SGIP1: variants seen among roughly 807,000 people sequenced by gnomAD.
SGIP1 encodes the protein SH3-containing GRB2-like protein 3-interacting protein 1.
In SGIP1, 38 loss-of-function variants were observed where a neutral mutation model predicts 107.5. That is an observed-to-expected ratio of 0.35 (90% CI 0.27 to 0.46). The LOEUF (loss-of-function observed/expected upper bound fraction) is 0.46, where lower values mean the gene tolerates loss of function less well. Among genes scored for constraint, SGIP1 ranks in the 20% least tolerant of loss-of-function variants. SGIP1 has a pLI of 1.00. For missense variants in SGIP1, 929 were observed against 1,019.5 expected (o/e 0.91, Z 1.21); for synonymous variants, 365 against 366.1 (o/e 1.00, Z 0.03).
intron 18 of SGIP1, among the ~76,000 whole-genome samples, chr1:66,703,386 C>T (rs571067648): frequency 1.3e-5 from 2 of 152,032 alleles, no homozygotes; most frequent in Admixed American, 1.3e-4. Flanking sequence ...TAACATGTTG[C>T]TATGTTAGAG....
chr1:66,661,942 C>A (rs890483140), intron 8 of SGIP1, among the ~76,000 whole-genome samples: 6 of 152,028 alleles, frequency 3.9e-5, no homozygotes, highest in African/African-American at 1.4e-4. Flanking sequence ...TTTGATGATA[C>A]CTTGGTTACT....
intron 18 of SGIP1, among the ~76,000 whole-genome samples, chr1:66,697,707 T>C (rs1318397470): frequency 6.6e-6 from 1 of 152,228 alleles, no homozygotes; most frequent in African/African-American, 2.4e-5. Context: ...TAGACTCGGG[T>C]ATTTTTAGCT....
At chr1:66,552,652 T>C (rs570496598) in intron 1 of SGIP1, among the ~76,000 whole-genome samples, 1 of 152,324 alleles carries the variant, frequency 6.6e-6, no homozygotes, top group Admixed American at 6.5e-5. Context: ...TCTGTGCCTC[T>C]ACTTTCTGTT....
chr1:66,695,271 AGT>A, intron 17 of SGIP1, 161 bp from the exon 18 acceptor site: 11 of 1,325,968 alleles, frequency 8.3e-6, no homozygotes, highest in South Asian at 2.0e-5. Flanking sequence ...AAAAAAAAAA[AGT>A]GTAGATTGCC....
chr1:66,734,274 T>C (rs1358687180), intron 21 of SGIP1, among the ~76,000 whole-genome samples: 1 of 152,182 alleles, frequency 6.6e-6, no homozygotes, highest in Non-Finnish European at 1.5e-5. Context: ...TTTGTTTTTC[T>C]AGTAAGATAG....
At position 66,750,032 on chromosome 1, in the gene SGIP1, T is replaced by TGGGG. The variant is rs751453805; in HGVS notation, c.*6939_*6942dup. On this transcript the variant is annotated 3_prime_UTR_variant, in exon 25 of 25. Coordinates refer to ENST00000371037, the MANE Select transcript of SGIP1 (RefSeq NM_032291.4). Reference sequence around the variant, plus strand: ...CTCTCTCTCTTTCTCTGTGTGTGTGTGGGGGTGTGTGTGTGTGTGTGTGTG... The same window carrying TGGGG: ...CTCTCTCTCTTTCTCTGTGTGTGTGTGGGGGGGGGTGTGTGTGTGTGTGTGTGTG... Among the ~76,000 whole-genome samples, 2 of 89,564 alleles carry TGGGG rather than the reference T, an allele frequency of 2.2e-5. No individual in the cohort carries two copies. The highest frequency in any genetic ancestry group is 1.0e-4 in the African/African-American group (2 of 19,424). 58.8% of individuals were successfully genotyped at this position (89,564 alleles called of 152,430 possible).
At chr1:66,591,964 C>T (rs373597121) in intron 1 of SGIP1, among the ~76,000 whole-genome samples, 10 of 152,342 alleles carry the variant, frequency 6.6e-5, no homozygotes, top group Middle Eastern at 3.4e-3. Flanking sequence ...CAGCATGTCT[C>T]ACCTCCAGCC....
chr1:66,740,105 C>T (rs978348882), intron 22 of SGIP1, among the ~76,000 whole-genome samples: 3 of 152,100 alleles, frequency 2.0e-5, no homozygotes, highest in African/African-American at 4.8e-5. Flanking sequence ...TACCTAGGAC[C>T]CTAACTGCAA....
intron 7 of SGIP1, among the ~76,000 whole-genome samples, chr1:66,649,543 G>A (rs1251948011): frequency 1.3e-5 from 2 of 152,186 alleles, no homozygotes; most frequent in African/African-American, 4.8e-5. Flanking sequence ...GATAGAGACA[G>A]ATGCAACACG....
At position 66,687,469 on chromosome 1, in the gene SGIP1, G is replaced by A. The variant is rs549932674; in HGVS notation, c.1316-1679G>A. On this transcript the variant is annotated intron_variant, in intron 15 of 24. Coordinates refer to ENST00000371037, the MANE Select transcript of SGIP1 (RefSeq NM_032291.4). ...ACCTTTTTTTTTTAAGAGAAGACTA[G>A]CCAAAGACTAAAAATATCTATATTG... 3.3e-5 allele frequency among the ~76,000 whole-genome samples: 5 copies of A among 151,998 alleles called. No individual in the cohort carries two copies. The South Asian group carries it at 1.0e-3, about 32-fold the overall frequency.
intron 12 of SGIP1, 30 bp from the exon 13 acceptor site, chr1:66,676,974 A>C: frequency 6.4e-7 from 1 of 1,562,360 alleles, no homozygotes; most frequent in Admixed American, 1.9e-5. Flanking sequence ...TTTTTAACTC[A>C]CCCTGGGAAA....
intron 1 of SGIP1, among the ~76,000 whole-genome samples, chr1:66,611,737 C>G (rs1247499204): frequency 6.6e-6 from 1 of 152,062 alleles, no homozygotes; most frequent in Non-Finnish European, 1.5e-5. Flanking sequence ...GATGGTTTGG[C>G]TGTGAAAAGA....
In SGIP1 at chr1:66,677,065, G is replaced by A. The variant is rs772039885; in HGVS notation, c.708G>A (p.Ser236=). 8.1e-6 allele frequency: 13 copies of A among 1,613,700 alleles called. No individual in the cohort carries two copies. The highest frequency in any genetic ancestry group is 2.2e-5 in the South Asian group (2 of 91,068). Residue 236 remains serine (S), a synonymous_variant, in exon 13 of 25, where the codon TCG becomes TCA. Transcript: ENST00000371037. ...SGQPINPSME[S]PKLTRPFPTG... ...AACCAATTAATCCAAGCATGGAGTC[G>A]CCAAAGTTAACAAGGCCTTTTCCCA...
chr1:66,680,783 A>C (rs1211941249), intron 14 of SGIP1, among the ~76,000 whole-genome samples: 1 of 152,240 alleles, frequency 6.6e-6, no homozygotes, highest in Non-Finnish European at 1.5e-5. Flanking sequence ...ATTCCTTTCA[A>C]GCTAGAAATA....
At chr1:66,658,323 A>G (rs138508321) in intron 7 of SGIP1, among the ~76,000 whole-genome samples, 2 of 152,218 alleles carry the variant, frequency 1.3e-5, no homozygotes, top group Admixed American at 1.3e-4. Flanking sequence ...CATAATCTAC[A>G]CTAATGTTGT....
intron 1 of SGIP1, among the ~76,000 whole-genome samples, chr1:66,539,964 C>T (rs1315749691): frequency 1.3e-5 from 2 of 152,092 alleles, no homozygotes; most frequent in Non-Finnish European, 2.9e-5. Context: ...CCATTTTCAT[C>T]TCTGTATCCT....
intron 1 of SGIP1, among the ~76,000 whole-genome samples, chr1:66,565,085 C>T (rs1474316243): frequency 6.6e-6 from 1 of 151,964 alleles, no homozygotes; most frequent in Non-Finnish European, 1.5e-5. Flanking sequence ...CCCCTGACTC[C>T]ACTGCCAGTT....
chr1:66,712,951 T>C (rs2093011666), intron 18 of SGIP1, among the ~76,000 whole-genome samples: 1 of 152,140 alleles, frequency 6.6e-6, no homozygotes, highest in African/African-American at 2.4e-5. Context: ...AGATGCTTTT[T>C]TGTCGGAGGT....
At position 66,643,623 on chromosome 1, in the gene SGIP1, T is replaced by G. The variant is rs781491340; in HGVS notation, c.363T>G (p.Ile121Met). 1 of 1,611,092 alleles carries G rather than the reference T, an allele frequency of 6.2e-7. No homozygotes were observed. The highest frequency in any genetic ancestry group is 1.7e-5 in the Admixed American group (1 of 59,348). The change falls in exon 7 of 25, where the codon ATT (isoleucine) becomes ATG (methionine). Residue 121 changes from isoleucine to methionine, a missense_variant. Coordinates refer to ENST00000371037, the MANE Select transcript of SGIP1 (RefSeq NM_032291.4). ...CACATAAGAAATTTAATATCAAGATTAAACCATTGCAATCTAAAGACATTC... is the reference window on the plus strand; with the variant it reads ...CACATAAGAAATTTAATATCAAGATGAAACCATTGCAATCTAAAGACATTC... ...EESHKKFNIK[I>M]KPLQSKDILK...
Sources: gnomAD v4.1 joint callset for allele counts (sites outside exome capture counted in the v4.1 genomes callset) on GRCh38, gnomAD v4.1.1 for gene constraint, MANE v1.5 for transcripts, NCBI Gene and HGNC (gene_info 2026-07-23, HGNC 2026-07-21) for gene names.